Variants in CEP43 observed in about 807,000 individuals in gnomAD.
CEP43 encodes the protein FGFR1 oncogene partner.
CEP43 carries 36 observed loss-of-function variants against 52.6 expected under a neutral mutation model. The observed-to-expected ratio is 0.68, with a 90% CI of 0.52 to 0.90. The LOEUF is 0.90. Among genes scored for constraint, CEP43 ranks in the 40% least tolerant of loss-of-function variants. CEP43 has a pLI of 0.00. For missense variants in CEP43, 506 were observed against 472.8 expected (o/e 1.07, Z -0.65); for synonymous variants, 192 against 172.4 (o/e 1.11, Z -0.89).
chr6:167,040,087 T>A lies in CEP43; in HGVS notation c.*109T>A. 1 of 1,608,782 alleles carries A rather than the reference T, an allele frequency of 6.2e-7. No individual in the cohort carries two copies. Among genetic ancestry groups the A allele is most frequent in the Non-Finnish European group, 8.5e-7 (1 of 1,177,056 alleles). On this transcript the variant is annotated 3_prime_UTR_variant, in exon 13 of 13. Transcript: ENST00000366847. ...GGAATGTCTGCTCTCTATTGGTGCC[T>A]TGCATTTCAAAAACACTGCAGATAT...
chr6:167,019,723 G>A (rs990348091), intron 7 of CEP43, among the ~76,000 whole-genome samples: 2 of 151,900 alleles, frequency 1.3e-5, no homozygotes, highest in African/African-American at 4.8e-5. Context: ...CCTAAAACTG[G>A]TCTTTCTGTC....
chr6:167,026,704 G>T (rs1468643734), intron 10 of CEP43, 89 bp downstream of exon 10: 2 of 758,972 alleles, frequency 2.6e-6, no homozygotes, highest in African/African-American at 1.7e-5. Context: ...GTCTGCCTAC[G>T]CTGAGCACCT....
chr6:167,011,160 G>A (rs974513527), intron 6 of CEP43, among the ~76,000 whole-genome samples: 10 of 152,046 alleles, frequency 6.6e-5, no homozygotes, highest in South Asian at 2.1e-4. Flanking sequence ...TTGGTACTTC[G>A]GACATTTTCT....
chr6:167,019,479 CATT>C (rs539600787), intron 7 of CEP43, among the ~76,000 whole-genome samples: 107 of 152,184 alleles, frequency 7.0e-4, no homozygotes, highest in Non-Finnish European at 1.4e-3. Context: ...TTAGTGAATT[CATT>C]AATAACCTAG....
intron 6 of CEP43, among the ~76,000 whole-genome samples, chr6:167,012,787 G>A (rs925950992): frequency 1.1e-4 from 17 of 152,124 alleles, no homozygotes; most frequent in Non-Finnish European, 2.2e-4. Context: ...CAGAGAAGGG[G>A]GGACTGTCCT....
chr6:167,021,170 A>G (rs986058686), intron 7 of CEP43, among the ~76,000 whole-genome samples: 2 of 151,936 alleles, frequency 1.3e-5, no homozygotes, highest in Non-Finnish European at 1.5e-5. Context: ...TTCCACGGGT[A>G]TTTTACACAA....
chr6:167,018,275 CTG>C (rs1780146025), intron 7 of CEP43, among the ~76,000 whole-genome samples: 1 of 152,192 alleles, frequency 6.6e-6, no homozygotes, highest in African/African-American at 2.4e-5. Flanking sequence ...AGGTCACACT[CTG>C]AAGTACTGGG....
At position 167,042,560 on chromosome 6, in the gene CEP43, A is replaced by G. The variant is rs146326831; in HGVS notation, c.*2582A>G. ...CCTGCCCATGCACCAGAGCTGTGCCAGCCCACTGCTGCACAGCCTCTGCAC... is the reference window on the plus strand; with the variant it reads ...CCTGCCCATGCACCAGAGCTGTGCCGGCCCACTGCTGCACAGCCTCTGCAC... On this transcript the variant is annotated 3_prime_UTR_variant, in exon 13 of 13. Coordinates refer to ENST00000366847, the MANE Select transcript of CEP43 (RefSeq NM_007045.4). 4.7e-3 allele frequency: 792 copies of G among 168,180 alleles called. 11 individuals are homozygous for G. The highest frequency in any genetic ancestry group is 0.018 in the African/African-American group (762 of 41,850). The allele number at this position is 168,180 out of a possible 1,614,324, so 10.4% of individuals were successfully genotyped here.
At chr6:167,012,663 A>AT (rs1279422823) in intron 6 of CEP43, among the ~76,000 whole-genome samples, 1 of 152,208 alleles carries the variant, frequency 6.6e-6, no homozygotes, top group Non-Finnish European at 1.5e-5. Flanking sequence ...AGGGTAAAAT[A>AT]TTAAAGTCTA....
intron 7 of CEP43, among the ~76,000 whole-genome samples, chr6:167,022,104 A>G (rs534590484): frequency 6.6e-6 from 1 of 152,310 alleles, no homozygotes; most frequent in South Asian, 2.1e-4. Context: ...TAGGTATACT[A>G]AAGGTATTTC....
chr6:167,026,675 C>A, intron 10 of CEP43, 60 bp downstream of exon 10: 4 of 1,100,726 alleles, frequency 3.6e-6, no homozygotes, highest in African/African-American at 1.5e-5. Flanking sequence ...TAGGGTAAGG[C>A]TGTAAAAGAA....
Position 167,010,958 on chromosome 6 carries a change from T to C in CEP43, c.519+65T>C. ...AACTCCAGAGTGCTCTGCTTTTCTC[T>C]CTCTAGTCTTTCTTGTTACAAGTTG... On this transcript the variant is annotated intron_variant, in intron 6 of 12. Transcript: ENST00000366847. 4 of 863,076 alleles carry C rather than the reference T, an allele frequency of 4.6e-6. No individual in the cohort carries two copies. The South Asian group carries it at 7.4e-5, about 16-fold the overall frequency. 53.5% of individuals were successfully genotyped at this position (863,076 alleles called of 1,614,324 possible).
intron 1 of CEP43, 89 bp from the exon 2 acceptor site, chr6:166,999,971 C>A: frequency 8.6e-7 from 1 of 1,159,862 alleles, no homozygotes; most frequent in Non-Finnish European, 1.3e-6. Flanking sequence ...AGCTCGTTGG[C>A]TTGCTCGTGT....
rs1449400240 is a variant in CEP43, at chr6:167,044,585, G to A, written c.*4607G>A. 1.0e-6 allele frequency: 1 copy of A among 977,472 alleles called. No homozygotes were observed. Among genetic ancestry groups the A allele is most frequent in the Non-Finnish European group, 1.2e-6 (1 of 822,814 alleles). The allele number at this position is 977,472 out of a possible 1,614,324, so 60.5% of individuals were successfully genotyped here. On this transcript the variant is annotated 3_prime_UTR_variant, in exon 13 of 13. Transcript: ENST00000366847. Reference sequence around the variant, plus strand: ...ACAGCAAGGCCTCTGAGGTAGGAGGGACAGCGTTTTTGAATGTGAAATTTA... The same window carrying A: ...ACAGCAAGGCCTCTGAGGTAGGAGGAACAGCGTTTTTGAATGTGAAATTTA...
At chr6:167,003,332 CT>C (rs201000904) in intron 3 of CEP43, 85 bp downstream of exon 3, 850 of 708,576 alleles carry the variant, frequency 1.2e-3, no homozygotes, top group South Asian at 2.2e-3. Flanking sequence ...AATTTCAGGG[CT>C]TTTTTTTTGT....
rs1450501045 is a variant in CEP43 at position 167,040,304 on chromosome 6, G to A, written c.*326G>A. 1.8e-5 allele frequency: 26 copies of A among 1,446,050 alleles called. No homozygotes were observed. Among genetic ancestry groups the A allele is most frequent in the East Asian group, 1.0e-4 (4 of 40,116 alleles). The allele number at this position is 1,446,050 out of a possible 1,614,324, so 89.6% of individuals were successfully genotyped here. A position where few individuals can be genotyped will look rare whatever the true frequency, so the allele number is the denominator to read the frequency against. On this transcript the variant is annotated 3_prime_UTR_variant, in exon 13 of 13. Transcript: ENST00000366847. ...CATGATGAAAGGTGTCAATAAAGCC[G>A]TAGGATCGCGCAACCCTTTGTGTGT... is the stretch of plus-strand genomic sequence containing the variant.
chr6:167,001,202 T>C (rs146536362), intron 2 of CEP43, among the ~76,000 whole-genome samples: 1 of 152,364 alleles, frequency 6.6e-6, no homozygotes, highest in Non-Finnish European at 1.5e-5. Context: ...TGTTTATCTG[T>C]ACCTCTTTCC....
In CEP43 at chr6:167,044,548, A is replaced by C. The variant is rs1780762959; in HGVS notation, c.*4570A>C. 1 of 985,322 alleles carries C rather than the reference A, an allele frequency of 1.0e-6. No individual in the cohort carries two copies. Among genetic ancestry groups the C allele is most frequent in the Non-Finnish European group, 1.2e-6 (1 of 829,910 alleles). The allele number at this position is 985,322 out of a possible 1,614,324, so 61.0% of individuals were successfully genotyped here. On this transcript the variant is annotated 3_prime_UTR_variant, in exon 13 of 13. Coordinates refer to ENST00000366847, the MANE Select transcript of CEP43 (RefSeq NM_007045.4). ...TGTGCACCGGGTGAATGAGAGTGGCAGACAGAAGGAAACAGCAAGGCCTCT... is the reference window on the plus strand; with the variant it reads ...TGTGCACCGGGTGAATGAGAGTGGCCGACAGAAGGAAACAGCAAGGCCTCT...
intron 1 of CEP43, 94 bp from the exon 2 acceptor site, chr6:166,999,966 G>T (rs1403218312): frequency 2.7e-6 from 3 of 1,093,450 alleles, no homozygotes; most frequent in African/African-American, 3.1e-5. Context: ...CTCCCAGCTC[G>T]TTGGCTTGCT....
Sources: allele counts gnomAD v4.1 joint callset (sites outside exome capture counted in the v4.1 genomes callset), GRCh38; gene constraint gnomAD v4.1.1; transcripts MANE v1.5; gene names NCBI Gene and HGNC (gene_info 2026-07-23, HGNC 2026-07-21).